Variants in RTN4 observed in about 807,000 individuals in gnomAD.
RTN4 encodes reticulon-4.
Under a neutral mutation model 90.4 loss-of-function variants are expected in RTN4, and 32 were observed. That is an observed-to-expected ratio of 0.35 (90% confidence interval 0.27 to 0.48). The LOEUF is 0.48. RTN4 is among the 20% of genes least tolerant of loss of function. The probability of loss-of-function intolerance (pLI) is 0.99; values close to 1 mark genes in which losing one functional copy is unlikely to be tolerated. For missense variants in RTN4, 1,706 were observed against 1,430.2 expected (o/e 1.19, Z -3.11); for synonymous variants, 629 against 552.5 (o/e 1.14, Z -1.94).
intron 3 of RTN4, among the ~76,000 whole-genome samples, chr2:55,002,190 C>T (rs578204959): frequency 6.6e-6 from 1 of 152,038 alleles, no homozygotes; most frequent in Non-Finnish European, 1.5e-5. Flanking sequence ...TCCCAAGTAG[C>T]TGGGACCATA....
chr2:55,131,441 C>G, the RTN4 span, among the ~76,000 whole-genome samples: 24 of 152,112 alleles, frequency 1.6e-4, no homozygotes, highest in South Asian at 4.8e-3. Context: ...CTCCTGGAAT[C>G]AAGTGATCCT....
At chr2:55,089,513 T>C (rs1385523073) in intron 1 of RTN4, among the ~76,000 whole-genome samples, 1 of 152,218 alleles carries the variant, frequency 6.6e-6, no homozygotes, top group Non-Finnish European at 1.5e-5. Flanking sequence ...CGGCATGATC[T>C]GCCAGGTAAT....
chr2:55,050,912 TC>T (rs1349487498), upstream of RTN4: 1 of 152,050 alleles, frequency 6.6e-6, no homozygotes, highest in Non-Finnish European at 1.5e-5. This position sits in a 1 kb window ranked among gnomAD's most constrained non-coding sequence, Gnocchi z 4.6. Context: ...AAGGGCGTTA[TC>T]CTGGGGGAAC....
chr2:54,992,101 G>C (rs182297962), intron 3 of RTN4, among the ~76,000 whole-genome samples: 2 of 152,140 alleles, frequency 1.3e-5, no homozygotes, highest in Non-Finnish European at 2.9e-5. Context: ...TTGGGAGGCC[G>C]AGGTGGGAGG....
intron 1 of RTN4, among the ~76,000 whole-genome samples, chr2:55,108,465 G>A (rs1237475387): frequency 6.6e-6 from 1 of 152,046 alleles, no homozygotes; most frequent in Non-Finnish European, 1.5e-5. Flanking sequence ...CAGGGTGAAT[G>A]ATAATATTGA....
At chr2:54,976,852 C>T (rs893284950) in intron 5 of RTN4, among the ~76,000 whole-genome samples, 1 of 152,202 alleles carries the variant, frequency 6.6e-6, no homozygotes, top group East Asian at 1.9e-4. Flanking sequence ...TACTTTGCAA[C>T]ATTATAGCCA....
At chr2:55,051,189 GCCGA>G (rs1668081023), upstream of RTN4, among the ~76,000 whole-genome samples, 1 of 152,172 alleles carries the variant, frequency 6.6e-6, no homozygotes, top group African/African-American at 2.4e-5. Context: ...GGGATCTGGG[GCCGA>G]CCATTTGAAA....
chr2:55,029,898 A>T (rs1682177217), intron 1 of RTN4, among the ~76,000 whole-genome samples: 1 of 152,206 alleles, frequency 6.6e-6, no homozygotes, highest in South Asian at 2.1e-4. Context: ...ATCTTAAATT[A>T]CAGTTTCTCA....
At chr2:55,083,410 T>A (rs1668758972) in intron 1 of RTN4, among the ~76,000 whole-genome samples, 1 of 152,122 alleles carries the variant, frequency 6.6e-6, no homozygotes, top group Non-Finnish European at 1.5e-5. Context: ...GCACGAGGAT[T>A]GCTTGAGCCT....
the RTN4 span, among the ~76,000 whole-genome samples, chr2:55,120,128 C>T: frequency 6.6e-6 from 1 of 152,232 alleles, no homozygotes; most frequent in East Asian, 1.9e-4. Flanking sequence ...GACACCCAGG[C>T]CTTGCCTTGG....
chr2:55,008,544 A>G (rs989678990), intron 3 of RTN4, among the ~76,000 whole-genome samples: 1 of 152,180 alleles, frequency 6.6e-6, no homozygotes, highest in Non-Finnish European at 1.5e-5. Context: ...GTACTAAAAA[A>G]TATTAGGCCA....
intron 2 of RTN4, among the ~76,000 whole-genome samples, chr2:55,068,771 A>AGC (rs1553449805): frequency 1.3e-5 from 2 of 152,172 alleles, no homozygotes; most frequent in Non-Finnish European, 2.9e-5. Flanking sequence ...AGTATGCAGC[A>AGC]ACAATGCTTT....
chr2:55,046,029 A>G (rs1683398467), intron 1 of RTN4, among the ~76,000 whole-genome samples: 1 of 152,220 alleles, frequency 6.6e-6, no homozygotes. Flanking sequence ...TGCTCTGGGC[A>G]CAACAGCAAA....
intron 2 of RTN4, among the ~76,000 whole-genome samples, chr2:55,072,809 A>G (rs1401610081): frequency 1.3e-5 from 2 of 152,194 alleles, no homozygotes; most frequent in African/African-American, 4.8e-5. Flanking sequence ...GATCACAACT[A>G]TTACTGTTTT....
chr2:55,034,279 T>A (rs1403356342), intron 1 of RTN4, among the ~76,000 whole-genome samples: 1 of 152,112 alleles, frequency 6.6e-6, no homozygotes, highest in Non-Finnish European at 1.5e-5. Context: ...GGTAGGAGGA[T>A]TGCTTGAGCC....
chr2:55,041,259 CAT>C (rs910829472), intron 1 of RTN4, among the ~76,000 whole-genome samples: 11 of 151,800 alleles, frequency 7.2e-5, no homozygotes, highest in African/African-American at 2.7e-4. Flanking sequence ...TTTTTAAATA[CAT>C]GTTAATAAAA....
chr2:55,088,969 G>C lies in RTN4; in HGVS notation c.-213-8330C>G, dbSNP rs567269576. Among the ~76,000 whole-genome samples, 6 of 152,246 alleles carry C rather than the reference G, an allele frequency of 3.9e-5. No individual in the cohort carries two copies. The South Asian group carries it at 1.0e-3, about 26-fold the overall frequency. ...TATTTTGAGATGGAGTCTCGTTCTT[G>C]TTGCCCAGGCTGGAGTGCAGTGGCG... On this transcript the variant is annotated intron_variant, in intron 1 of 3. Coordinates refer to the RTN4 transcript ENST00000427710.
At chr2:55,012,591 T>C (rs60785167) in intron 3 of RTN4, among the ~76,000 whole-genome samples, 6,674 of 152,240 alleles carry the variant, frequency 0.044, 502 homozygotes, top group African/African-American at 0.15. Context: ...ATGAAAATCA[T>C]ATAATCTCTA....
At chr2:55,083,338 A>G (rs1360418486) in intron 1 of RTN4, among the ~76,000 whole-genome samples, 2 of 152,218 alleles carry the variant, frequency 1.3e-5, no homozygotes, top group Non-Finnish European at 2.9e-5. Flanking sequence ...TCTACTAAAA[A>G]TACAAAAATT....
Sources: allele counts gnomAD v4.1 joint callset (sites outside exome capture counted in the v4.1 genomes callset), GRCh38; gene constraint gnomAD v4.1.1; non-coding constraint Gnocchi (gnomAD v3.1); transcripts MANE v1.5; gene names NCBI Gene and HGNC (gene_info 2026-07-23, HGNC 2026-07-21).